FRK: variants seen among roughly 807,000 people sequenced by gnomAD.
FRK encodes tyrosine-protein kinase FRK.
A neutral mutation model predicts 56.4 loss-of-function variants in FRK; 51 were observed. The observed-to-expected ratio is 0.90, with a 90% CI of 0.72 to 1.14. The LOEUF (loss-of-function observed/expected upper bound fraction) is 1.14. Among genes scored for constraint, FRK ranks in the 50% most tolerant of loss-of-function variants. FRK has a pLI of 0.00. For synonymous variants in FRK, 245 were observed against 217.9 expected, an observed-to-expected ratio of 1.12 and a Z score of -1.10; for missense variants, 570 against 601.4, an observed-to-expected ratio of 0.95 and a Z score of 0.55.
At position 116,060,638 on chromosome 6, in the gene FRK, G is replaced by T; in HGVS notation, c.-327C>A. ...ACAAAAATAAAATAAAATTAAAAGG[G>T]CTTTATTTAGACAAATATCTGAGAA... is the stretch of plus-strand genomic sequence containing the variant. On this transcript the variant is annotated 5_prime_UTR_variant, in exon 1 of 8. Transcript: ENST00000606080. The T allele has an allele frequency of 9.3e-6, 2 of 215,472 alleles. No individual in the cohort carries two copies. The highest frequency in any genetic ancestry group is 9.3e-6 in the Non-Finnish European group (1 of 108,058). 13.3% of individuals were successfully genotyped at this position (215,472 alleles called of 1,614,324 possible).
chr6:116,051,718 TAAG>T (rs1296763392), intron 1 of FRK, among the ~76,000 whole-genome samples: 1 of 152,098 alleles, frequency 6.6e-6, no homozygotes, highest in Non-Finnish European at 1.5e-5. Context: ...CTTTCAATGC[TAAG>T]AAGAGCTAAG....
chr6:115,942,442 T>G lies in FRK; in HGVS notation c.1490A>C (p.Tyr497Ser). 1 of 1,613,476 alleles carries G rather than the reference T, an allele frequency of 6.2e-7. No individual in the cohort carries two copies. ...TCTTATGAAGTTATTTGCATCTGAA[T>G]ATGAAGAGTCTGTTTCAAAATAGTC... is the stretch of plus-strand genomic sequence containing the variant. Reference protein sequence around the residue: ...LEDYFETDSSYSDANNFIR With the variant: ...LEDYFETDSSSSDANNFIR The change falls in exon 8 of 8, where the codon TAT becomes TCT. Residue 497 changes from tyrosine to serine, a missense_variant. Transcript: ENST00000606080.
intron 1 of FRK, among the ~76,000 whole-genome samples, chr6:116,055,738 C>A (rs908729531): frequency 1.3e-5 from 2 of 151,952 alleles, no homozygotes; most frequent in African/African-American, 4.8e-5. Flanking sequence ...CCATACCAGG[C>A]CTATAGAATG....
chr6:116,070,502 C>A, the FRK span, among the ~76,000 whole-genome samples: 2 of 152,176 alleles, frequency 1.3e-5, no homozygotes, highest in African/African-American at 4.8e-5. Flanking sequence ...TTATGATGTC[C>A]ACAAATCATA....
the FRK span, among the ~76,000 whole-genome samples, chr6:116,090,815 C>A: frequency 6.6e-6 from 1 of 152,172 alleles, no homozygotes; most frequent in Admixed American, 6.5e-5. Flanking sequence ...TTAAGTTTAA[C>A]CTGGAACTAG....
intron 1 of FRK, among the ~76,000 whole-genome samples, chr6:116,020,156 T>C (rs1223136482): frequency 6.6e-6 from 1 of 152,136 alleles, no homozygotes; most frequent in African/African-American, 2.4e-5. Flanking sequence ...TACAAAATCA[T>C]TGTGACATGA....
At chr6:116,070,329 A>C in the FRK span, among the ~76,000 whole-genome samples, 1 of 152,098 alleles carries the variant, frequency 6.6e-6, no homozygotes, top group Non-Finnish European at 1.5e-5. Flanking sequence ...GGGGGGCTGC[A>C]TGGGTAAAGA....
At chr6:116,015,399 C>T (rs535710735) in intron 1 of FRK, among the ~76,000 whole-genome samples, 285 of 152,294 alleles carry the variant, frequency 1.9e-3, no homozygotes, top group African/African-American at 6.6e-3. Flanking sequence ...AATTAAACCT[C>T]TTTTCTTCAT....
chr6:116,051,279 A>T (rs1777170455), intron 1 of FRK, among the ~76,000 whole-genome samples: 1 of 152,122 alleles, frequency 6.6e-6, no homozygotes. Flanking sequence ...AAAGTATTTG[A>T]TTGAGAATTT....
In FRK at chr6:116,060,025, A is replaced by AAG. The variant is rs764494338; in HGVS notation, c.286_287insCT (p.Leu96ProfsTer47). On this transcript the variant is annotated frameshift_variant, in exon 1 of 8. Transcript: ENST00000606080. LOFTEE classifies it high-confidence loss of function. The stretch of plus-strand genomic sequence containing the variant: ...GTAGTTAGAAGGAATATAGCCTTGT[A>AAG]GTTGCTGACTGGAGCCATCTCGTCT... The AAG allele has an allele frequency of 3.7e-6, 6 of 1,614,166 alleles. No homozygotes were observed. The Admixed American group carries it at 1.0e-4, about 27-fold the overall frequency.
intron 2 of FRK, among the ~76,000 whole-genome samples, chr6:115,990,170 A>G (rs2114659472): frequency 6.6e-6 from 1 of 152,050 alleles, no homozygotes; most frequent in South Asian, 2.1e-4. Context: ...TAGACTCTGG[A>G]CATTACTCCT....
chr6:115,967,633 T>C lies in FRK; in HGVS notation c.717A>G (p.Arg239=), dbSNP rs1009640500. 1.2e-6 allele frequency: 2 copies of C among 1,613,614 alleles called. No homozygotes were observed. Among genetic ancestry groups the C allele is most frequent in the African/African-American group, 1.3e-5 (1 of 74,838 alleles). Residue 239 remains arginine (R), a synonymous_variant, in exon 4 of 8, where the codon CGA becomes CGG. Coordinates refer to ENST00000606080, the MANE Select transcript of FRK (RefSeq NM_002031.3). The stretch of plus-strand genomic sequence containing the variant: ...CTTCGCCAAACTGACCAGATCCCAA[T>C]CGCTTCAGAAGCTGTATGGAGTTGC... ...IDRNSIQLLK[R]LGSGQFGEVW...
chr6:115,981,545 T>G (rs1774200758), intron 2 of FRK, among the ~76,000 whole-genome samples: 1 of 152,048 alleles, frequency 6.6e-6, no homozygotes, highest in African/African-American at 2.4e-5. Context: ...AATCTTTCCC[T>G]TCTCTCTCAA....
chr6:116,051,890 T>C (rs976079093), intron 1 of FRK, among the ~76,000 whole-genome samples: 3 of 152,162 alleles, frequency 2.0e-5, no homozygotes, highest in Non-Finnish European at 4.4e-5. Context: ...TTTCAGCTTA[T>C]GTAAGCTGAA....
Position 115,943,155 on chromosome 6 carries a change from G to C in FRK, c.1171C>G (p.His391Asp). ...VDNEDIYESR[H>D]EIKLPVKWTA... ...CACTTCACCGGCAGCTTTATTTCGT[G>C]TCTAGATTCATAGATGTCTTCATTA... The change falls in exon 7 of 8, where the codon CAC becomes GAC. Residue 391 changes from histidine (H) to aspartate (D), a missense_variant. Physicochemically the swap from His to Asp is moderately conservative, Grantham distance 81 (BLOSUM62 -1). Coordinates refer to ENST00000606080, the MANE Select transcript of FRK (RefSeq NM_002031.3). The C allele has an allele frequency of 6.2e-7, 1 of 1,611,492 alleles. No individual in the cohort carries two copies. Among genetic ancestry groups the C allele is most frequent in the Non-Finnish European group, 8.5e-7 (1 of 1,178,912 alleles).
At chr6:115,948,433 A>C (rs367877968) in intron 5 of FRK, among the ~76,000 whole-genome samples, 112 of 152,240 alleles carry the variant, frequency 7.4e-4, no homozygotes, top group African/African-American at 2.5e-3. Flanking sequence ...TAACCACAGA[A>C]ACTGTGAGAT....
chr6:116,072,267 T>C, the FRK span, among the ~76,000 whole-genome samples: 1 of 152,088 alleles, frequency 6.6e-6, no homozygotes, highest in Non-Finnish European at 1.5e-5. Flanking sequence ...ATTGAAAAAA[T>C]TGATTCTTAA....
chr6:116,016,131 C>T (rs1156328643), intron 1 of FRK, among the ~76,000 whole-genome samples: 1 of 152,116 alleles, frequency 6.6e-6, no homozygotes, highest in Admixed American at 6.6e-5. Context: ...GCAGCCCCTC[C>T]CATCACAGGT....
rs145089105 is a variant in FRK at position 115,967,662 on chromosome 6, C to T, written c.688G>A (p.Asp230Asn). ...SYKTVDQWEI[D>N]RNSIQLLKRL... ...TTCAGAAGCTGTATGGAGTTGCGGT[C>T]TATCTCCCATTGGTCCACGGTTTTA... Residue 230 changes from aspartate (D) to asparagine (N), a missense_variant, in exon 4 of 8, where the codon GAC becomes AAC. Physicochemically the swap from Asp to Asn is conservative, Grantham distance 23 (BLOSUM62 1). Transcript: ENST00000606080. 6.5e-5 allele frequency: 105 copies of T among 1,613,172 alleles called. No individual in the cohort carries two copies. Among genetic ancestry groups the T allele is most frequent in the Admixed American group, 1.5e-4 (9 of 59,904 alleles).
Sources: gnomAD v4.1 joint callset for allele counts (sites outside exome capture counted in the v4.1 genomes callset) on GRCh38, gnomAD v4.1.1 for gene constraint, MANE v1.5 for transcripts, NCBI Gene and HGNC (gene_info 2026-07-23, HGNC 2026-07-21) for gene names.